The following KCNIP4 variants were observed in gnomAD, a reference collection of about 807,000 sequenced individuals.
KCNIP4 encodes the protein potassium voltage-gated channel interacting protein 4.
KCNIP4 carries 12 observed loss-of-function variants against 34.0 expected under a neutral mutation model. That is an observed-to-expected ratio of 0.35 (90% confidence interval 0.23 to 0.57). KCNIP4 has a LOEUF of 0.57. KCNIP4 is among the 20% of genes least tolerant of loss of function. KCNIP4 has a pLI of 0.83. For missense variants in KCNIP4, 238 were observed against 311.7 expected (o/e 0.76, Z 1.78); for synonymous variants, 124 against 102.2 (o/e 1.21, Z -1.29).
intron 1 of KCNIP4, among the ~76,000 whole-genome samples, chr4:21,903,424 A>T (rs1226346838): frequency 1.3e-5 from 2 of 152,166 alleles, no homozygotes; most frequent in Admixed American, 6.6e-5. Context: ...TAATTGCTAC[A>T]CTAATTCTGC....
intron 1 of KCNIP4, among the ~76,000 whole-genome samples, chr4:21,682,962 C>G (rs1750495040): frequency 6.6e-6 from 1 of 152,178 alleles, no homozygotes; most frequent in Admixed American, 6.5e-5. Context: ...TAATGTGACT[C>G]AGAAACATGA....
At chr4:21,600,718 G>C in intron 1 of KCNIP4, among the ~76,000 whole-genome samples, 1 of 151,978 alleles carries the variant, frequency 6.6e-6, no homozygotes, top group East Asian at 1.9e-4. Context: ...CAACACTTTC[G>C]ATTTCCCCAT....
At chr4:21,765,817 G>A (rs1348121506) in intron 1 of KCNIP4, among the ~76,000 whole-genome samples, 1 of 64,208 alleles carries the variant, frequency 1.6e-5, no homozygotes, top group African/African-American at 8.9e-5. Context: ...GCACCAGGCC[G>A]TGAAAAAAAA....
At chr4:21,611,316 TGA>T (rs530133086) in intron 1 of KCNIP4, among the ~76,000 whole-genome samples, 10 of 151,696 alleles carry the variant, frequency 6.6e-5, no homozygotes, top group African/African-American at 2.4e-4. Flanking sequence ...TGACAGCAGG[TGA>T]GAGAGAGAAG....
chr4:21,073,306 C>G (rs1201903081), intron 1 of KCNIP4, among the ~76,000 whole-genome samples: 1 of 152,106 alleles, frequency 6.6e-6, no homozygotes, highest in Non-Finnish European at 1.5e-5. Flanking sequence ...TTATTTGTAT[C>G]CTCTTCTATT....
chr4:20,824,282 A>T (rs1717457961), intron 3 of KCNIP4, among the ~76,000 whole-genome samples: 1 of 152,232 alleles, frequency 6.6e-6, no homozygotes, highest in South Asian at 2.1e-4. Context: ...TTTTGTTATA[A>T]AATTGTATTC....
rs759477091 is a variant in KCNIP4 at position 21,510,078 on chromosome 4, C to CAAAAAAAAAAAAAAAAAAAA, written c.61+438473_61+438492dup. On this transcript the variant is annotated intron_variant, in intron 1 of 8. Coordinates refer to ENST00000382152, the MANE Select transcript of KCNIP4 (RefSeq NM_025221.6). Reference sequence around the variant, plus strand: ...GGGCACAAGAGCAAAACTCCATCTCCAAAAAAAAAAAAAAAAAAAAAAGGC... The same window carrying CAAAAAAAAAAAAAAAAAAAA: ...GGGCACAAGAGCAAAACTCCATCTCCAAAAAAAAAAAAAAAAAAAAAAAAAAAAAAAAAAAAAAAAAAGGC... Among the ~76,000 whole-genome samples, 2 of 65,222 alleles carry CAAAAAAAAAAAAAAAAAAAA rather than the reference C, an allele frequency of 3.1e-5. 1 individual carries two copies. The highest frequency in any genetic ancestry group is 5.9e-5 in the Non-Finnish European group (2 of 33,846). The allele number at this position is 65,222 out of a possible 152,430, so 42.8% of individuals were successfully genotyped here.
intron 1 of KCNIP4, among the ~76,000 whole-genome samples, chr4:21,143,355 C>A (rs1400248288): frequency 2.6e-5 from 4 of 152,134 alleles, no homozygotes. Flanking sequence ...TAAGGGTGGT[C>A]TCTAGGAGTG....
rs992348208 is a variant in KCNIP4, at chr4:21,462,654, T to A, written c.61+485917A>T. 1.1e-4 allele frequency among the ~76,000 whole-genome samples: 17 copies of A among 152,174 alleles called. 1 individual carries two copies. Among genetic ancestry groups the A allele is most frequent in the African/African-American group, 4.1e-4 (17 of 41,512 alleles). Reference sequence around the variant, plus strand: ...TCTGCATATGAGTGAGATTATGCAGTATTTGTCTTTCTGTGTTAGGTTTAT... The same window carrying A: ...TCTGCATATGAGTGAGATTATGCAGAATTTGTCTTTCTGTGTTAGGTTTAT... On this transcript the variant is annotated intron_variant, in intron 1 of 8. Transcript: ENST00000382152.
intron 1 of KCNIP4, among the ~76,000 whole-genome samples, chr4:21,594,010 G>T (rs963470558): frequency 3.3e-5 from 5 of 151,986 alleles, no homozygotes; most frequent in African/African-American, 1.2e-4. Context: ...GTATACCTTG[G>T]GGCCTGCATG....
chr4:21,387,687 T>C (rs540567081), intron 1 of KCNIP4, among the ~76,000 whole-genome samples: 35 of 152,316 alleles, frequency 2.3e-4, no homozygotes, highest in African/African-American at 7.9e-4. Flanking sequence ...TAAGGTTTTG[T>C]GGACAGTGGA....
At chr4:21,574,381 T>C (rs1740584671) in intron 1 of KCNIP4, among the ~76,000 whole-genome samples, 1 of 151,974 alleles carries the variant, frequency 6.6e-6, no homozygotes, top group East Asian at 1.9e-4. Flanking sequence ...AAAGAGAGTG[T>C]TCTATATTTA....
chr4:21,318,963 T>A (rs1442661904), intron 1 of KCNIP4, among the ~76,000 whole-genome samples: 1 of 152,174 alleles, frequency 6.6e-6, no homozygotes, highest in Non-Finnish European at 1.5e-5. Flanking sequence ...AACTCCAGAA[T>A]TTTACTAAAT....
intron 1 of KCNIP4, among the ~76,000 whole-genome samples, chr4:21,813,661 C>A (rs1721796912): frequency 6.6e-6 from 1 of 152,196 alleles, no homozygotes; most frequent in South Asian, 2.1e-4. Context: ...AATATAATAA[C>A]ATAGTTGCAT....
chr4:21,468,468 C>G (rs6847768), intron 1 of KCNIP4, among the ~76,000 whole-genome samples: 58,723 of 151,972 alleles, frequency 0.39, 11,500 homozygotes, highest in African/African-American at 0.45. Context: ...GTTGTGCTTT[C>G]ATCGCTTGCA....
intron 1 of KCNIP4, among the ~76,000 whole-genome samples, chr4:21,660,292 C>A (rs1748336834): frequency 6.6e-6 from 1 of 152,098 alleles, no homozygotes; most frequent in Non-Finnish European, 1.5e-5. Context: ...CCTAAATGAC[C>A]TTTCCCAATG....
chr4:21,801,702 G>A (rs1196263007), intron 1 of KCNIP4, among the ~76,000 whole-genome samples: 6 of 151,904 alleles, frequency 3.9e-5, no homozygotes, highest in East Asian at 3.9e-4. Flanking sequence ...TCCACCTCCC[G>A]GGTTCAAGCA....
intron 2 of KCNIP4, among the ~76,000 whole-genome samples, chr4:20,854,429 G>A (rs1217909263): frequency 6.6e-6 from 1 of 152,168 alleles, no homozygotes; most frequent in South Asian, 2.1e-4. Context: ...TGATTTGTGT[G>A]AGCTAAGCTA....
chr4:21,654,855 C>T (rs986176899), intron 1 of KCNIP4, among the ~76,000 whole-genome samples: 6 of 151,788 alleles, frequency 4.0e-5, no homozygotes, highest in African/African-American at 7.3e-5. Context: ...ACCTGGGAGG[C>T]GGAGCTTGCA....
Sources: gnomAD v4.1 joint callset for allele counts (sites outside exome capture counted in the v4.1 genomes callset) on GRCh38, gnomAD v4.1.1 for gene constraint, MANE v1.5 for transcripts, NCBI Gene and HGNC (gene_info 2026-07-23, HGNC 2026-07-21) for gene names.